Variants in PAPPA2 observed in about 807,000 individuals in gnomAD.
PAPPA2 encodes the protein pappalysin-2.
Under a neutral mutation model 176.4 loss-of-function variants are expected in PAPPA2, and 86 were observed. That is an observed-to-expected ratio of 0.49 (90% confidence interval 0.41 to 0.58). PAPPA2 has a LOEUF of 0.58. Ranked by LOEUF, PAPPA2 falls within the 20% of genes least tolerant of loss-of-function variation. PAPPA2 has a pLI of 0.00. For missense variants in PAPPA2, 2,073 were observed against 2,256.9 expected (o/e 0.92, Z 1.65); for synonymous variants, 809 against 852.2 (o/e 0.95, Z 0.88).
At chr1:176,513,965 A>G (rs12084712) in intron 1 of PAPPA2, among the ~76,000 whole-genome samples, 12,058 of 152,244 alleles carry the variant, frequency 0.079, 590 homozygotes, top group South Asian at 0.15. Context: ...AAGGGCTCTC[A>G]TACATGCCAT....
chr1:176,833,814 A>C (rs921452305), intron 21 of PAPPA2, among the ~76,000 whole-genome samples: 3 of 151,504 alleles, frequency 2.0e-5, no homozygotes, highest in African/African-American at 7.3e-5. Flanking sequence ...TGACCTACAT[A>C]TATATGTGTA....
At chr1:176,829,404 G>A (rs562329188) in intron 21 of PAPPA2, among the ~76,000 whole-genome samples, 9 of 152,302 alleles carry the variant, frequency 5.9e-5, no homozygotes, top group South Asian at 2.1e-4. Context: ...TTCCACAGGC[G>A]GGCTCAGGGA....
intron 12 of PAPPA2, among the ~76,000 whole-genome samples, chr1:176,734,303 A>G (rs1571245488): frequency 6.6e-6 from 1 of 152,162 alleles, no homozygotes; most frequent in Non-Finnish European, 1.5e-5. Context: ...GACAAATCAT[A>G]CATTGTTGAA....
intron 1 of PAPPA2, among the ~76,000 whole-genome samples, chr1:176,508,006 G>A (rs1360175605): frequency 6.6e-6 from 1 of 152,040 alleles, no homozygotes; most frequent in Non-Finnish European, 1.5e-5. Flanking sequence ...AAAACCTTGG[G>A]GCATTTGGTC....
intron 1 of PAPPA2, among the ~76,000 whole-genome samples, chr1:176,472,000 T>C (rs72715179): frequency 0.057 from 8,697 of 152,288 alleles, 319 homozygotes; most frequent in South Asian, 0.11. Context: ...AACGTCTGGT[T>C]GTCTCTCTTT....
chr1:176,591,098 C>T (rs1222486118), intron 2 of PAPPA2, among the ~76,000 whole-genome samples: 1 of 145,066 alleles, frequency 6.9e-6, no homozygotes, highest in African/African-American at 2.7e-5. Flanking sequence ...CACACACACA[C>T]ACACACACAC....
chr1:176,625,340 A>C (rs1156791252), intron 3 of PAPPA2, among the ~76,000 whole-genome samples: 1 of 152,202 alleles, frequency 6.6e-6, no homozygotes, highest in Non-Finnish European at 1.5e-5. Flanking sequence ...CAAATTAGAA[A>C]GGTGCTACTT....
At chr1:176,812,381 A>T (rs1666191765) in intron 21 of PAPPA2, among the ~76,000 whole-genome samples, 1 of 152,156 alleles carries the variant, frequency 6.6e-6, no homozygotes, top group Admixed American at 6.6e-5. Flanking sequence ...ATTTTGCTGA[A>T]GTTATAAGAA....
intron 14 of PAPPA2, among the ~76,000 whole-genome samples, chr1:176,741,486 C>T (rs192932577): frequency 1.3e-5 from 2 of 152,264 alleles, no homozygotes; most frequent in Admixed American, 1.3e-4. Context: ...ACGTGAGAGA[C>T]TACCCAAGAA....
At chr1:176,765,548 T>A in intron 14 of PAPPA2, 118 bp from the exon 15 acceptor site, 1 of 956,040 alleles carries the variant, frequency 1.0e-6, no homozygotes, top group Non-Finnish European at 1.6e-6. Context: ...TAAATATCAG[T>A]TTTGGAGAAA....
intron 17 of PAPPA2, among the ~76,000 whole-genome samples, chr1:176,786,877 G>A (rs934004667): frequency 6.6e-6 from 1 of 152,184 alleles, no homozygotes; most frequent in Non-Finnish European, 1.5e-5. Context: ...GGAGCACTGA[G>A]TATACATGGA....
Position 176,510,850 on chromosome 1 carries a change from T to C in PAPPA2, c.-916-44557T>C, listed in dbSNP as rs113252322. On this transcript the variant is annotated intron_variant, in intron 1 of 22. Transcript: ENST00000367662. ...ACACACACACACACACACACACACA[T>C]ACCCCAAAAATGAAAAAACAGAGGG... Among the ~76,000 whole-genome samples the C allele has an allele frequency of 6.1e-3, 573 of 93,646 alleles. 1 individual carries two copies. The highest frequency in any genetic ancestry group is 0.021 in the African/African-American group (420 of 19,564). The allele number at this position is 93,646 out of a possible 152,430, so 61.4% of individuals were successfully genotyped here. A position where few individuals can be genotyped will look rare whatever the true frequency, so the allele number is the denominator to read the frequency against.
At chr1:176,700,449 A>T (rs1660600416) in intron 8 of PAPPA2, among the ~76,000 whole-genome samples, 1 of 152,212 alleles carries the variant, frequency 6.6e-6, no homozygotes, top group South Asian at 2.1e-4. Flanking sequence ...ATTTCTCATG[A>T]TTCTATAGGT....
chr1:176,750,373 G>A (rs1663110349), intron 14 of PAPPA2, among the ~76,000 whole-genome samples: 1 of 152,166 alleles, frequency 6.6e-6, no homozygotes, highest in Non-Finnish European at 1.5e-5. Flanking sequence ...GGGAGGCCAA[G>A]GCAGGAGAAT....
intron 2 of PAPPA2, 76 bp from the exon 3 acceptor site, chr1:176,594,448 G>A: frequency 8.1e-7 from 1 of 1,236,056 alleles, no homozygotes; most frequent in South Asian, 1.5e-5. Context: ...TATTTACATG[G>A]GCTTTCTTCT....
chr1:176,493,992 C>T (rs766573789), intron 1 of PAPPA2, among the ~76,000 whole-genome samples: 3 of 152,142 alleles, frequency 2.0e-5, no homozygotes, highest in Admixed American at 6.6e-5. Context: ...ACCAGATGCT[C>T]AGGTCTGGGA....
At chr1:176,482,180 C>T (rs1229663826) in intron 1 of PAPPA2, among the ~76,000 whole-genome samples, 2 of 152,338 alleles carry the variant, frequency 1.3e-5, no homozygotes, top group Non-Finnish European at 2.9e-5. Flanking sequence ...AGCCATTCAA[C>T]GCAATTCAGA....
intron 22 of PAPPA2, among the ~76,000 whole-genome samples, chr1:176,840,638 A>G (rs1414356415): frequency 6.6e-6 from 1 of 152,162 alleles, no homozygotes; most frequent in East Asian, 1.9e-4. Context: ...CCATCTCCAT[A>G]ATTACATTAA....
At chr1:176,542,273 G>C (rs573799487) in intron 1 of PAPPA2, among the ~76,000 whole-genome samples, 9 of 152,214 alleles carry the variant, frequency 5.9e-5, no homozygotes, top group African/African-American at 1.9e-4. Flanking sequence ...GACAAACATA[G>C]GAGCAACTGG....
Sources: allele counts gnomAD v4.1 joint callset (sites outside exome capture counted in the v4.1 genomes callset), GRCh38; gene constraint gnomAD v4.1.1; transcripts MANE v1.5; gene names NCBI Gene and HGNC (gene_info 2026-07-23, HGNC 2026-07-21).